UBASH3B: variants seen among roughly 807,000 people sequenced by gnomAD.
UBASH3B encodes ubiquitin-associated and SH3 domain-containing protein B.
UBASH3B carries 37 observed loss-of-function variants against 83.4 expected under a neutral mutation model. The observed-to-expected ratio is 0.44, with a 90% confidence interval of 0.34 to 0.58. The LOEUF is 0.58. Among genes scored for constraint, UBASH3B ranks in the 20% least tolerant of loss-of-function variants. The probability of loss-of-function intolerance (pLI) is 0.01; values close to 1 mark genes in which losing one functional copy is unlikely to be tolerated. For synonymous variants in UBASH3B, 304 were observed against 318.3 expected, an observed-to-expected ratio of 0.96 and a Z score of 0.48; for missense variants, 657 against 827.2, an observed-to-expected ratio of 0.79 and a Z score of 2.52.
Position 122,690,179 on chromosome 11 carries a change from T to TCCA in UBASH3B, c.161+33969_161+33970insCCA, listed in dbSNP as rs1417144798. 2.7e-4 allele frequency among the ~76,000 whole-genome samples: 9 copies of TCCA among 33,810 alleles called. 1 individual carries two copies. The highest frequency in any genetic ancestry group is 1.2e-3 in the South Asian group (1 of 834). The allele number at this position is 33,810 out of a possible 152,430, so 22.2% of individuals were successfully genotyped here. On this transcript the variant is annotated intron_variant, in intron 1 of 13. Coordinates refer to ENST00000284273, the MANE Select transcript of UBASH3B (RefSeq NM_032873.5). ...CGAGGCAGGAAAACATATATATATA[T>TCCA]ATATATATATATATATATATATATA...
intron 1 of UBASH3B, among the ~76,000 whole-genome samples, chr11:122,662,414 C>T (rs958570351): frequency 2.0e-5 from 3 of 151,128 alleles, no homozygotes; most frequent in African/African-American, 4.9e-5. Flanking sequence ...AGCCACCAGT[C>T]GCTTTTTCTT....
At chr11:122,699,519 CTT>C (rs1864007494) in intron 1 of UBASH3B, among the ~76,000 whole-genome samples, 1 of 103,636 alleles carries the variant, frequency 9.6e-6, no homozygotes, top group Non-Finnish European at 1.9e-5. Context: ...CTTTCTTTCT[CTT>C]TCTTTCTTTC....
intron 1 of UBASH3B, among the ~76,000 whole-genome samples, chr11:122,666,532 C>G (rs1193176009): frequency 6.6e-6 from 1 of 152,136 alleles, no homozygotes; most frequent in South Asian, 2.1e-4. Flanking sequence ...AATTCTCCTG[C>G]CTCAGCCTCC....
intron 1 of UBASH3B, among the ~76,000 whole-genome samples, chr11:122,754,443 TC>T (rs1342122099): frequency 2.0e-5 from 3 of 152,228 alleles, no homozygotes; most frequent in African/African-American, 7.2e-5. Context: ...ATCTGGATGG[TC>T]AGTCCATGCA....
chr11:122,674,614 C>T (rs1863642224), intron 1 of UBASH3B, among the ~76,000 whole-genome samples: 1 of 152,046 alleles, frequency 6.6e-6, no homozygotes, highest in Non-Finnish European at 1.5e-5. Context: ...ATCTCCTGAC[C>T]TCGTGATCTG....
At position 122,811,525 on chromosome 11, in the gene UBASH3B, A is replaced by G. The variant is rs1237318700; in HGVS notation, c.*1639A>G. On this transcript the variant is annotated 3_prime_UTR_variant, in exon 14 of 14. Transcript: ENST00000284273. The stretch of plus-strand genomic sequence containing the variant: ...TTGTTTTTAGAGACAGGGTCTCACT[A>G]TAATGCTTAGACTGGTCTTGAACTC... The G allele has an allele frequency of 1.3e-5, 2 of 152,278 alleles. No individual in the cohort carries two copies. The highest frequency in any genetic ancestry group is 1.9e-4 in the East Asian group (1 of 5,176). 9.4% of individuals were successfully genotyped at this position (152,278 alleles called of 1,614,324 possible).
intron 1 of UBASH3B, among the ~76,000 whole-genome samples, chr11:122,671,356 T>C (rs1406038315): frequency 1.3e-5 from 2 of 152,028 alleles, no homozygotes; most frequent in Admixed American, 6.6e-5. Context: ...CAAAACCCCA[T>C]CTCTACAAAA....
chr11:122,690,233 A>T (rs1487938676), intron 1 of UBASH3B, among the ~76,000 whole-genome samples: 1 of 57,080 alleles, frequency 1.8e-5, no homozygotes, highest in Non-Finnish European at 3.7e-5. Flanking sequence ...TATATATCCA[A>T]TTTTATATAT....
intron 1 of UBASH3B, among the ~76,000 whole-genome samples, chr11:122,666,629 G>A (rs1460619831): frequency 6.6e-6 from 1 of 152,054 alleles, no homozygotes; most frequent in Non-Finnish European, 1.5e-5. Context: ...ATGTTTGCCA[G>A]GCTGGTCTCG....
At chr11:122,786,907 C>T (rs1352341735) in intron 5 of UBASH3B, among the ~76,000 whole-genome samples, 3 of 152,172 alleles carry the variant, frequency 2.0e-5, no homozygotes, top group Non-Finnish European at 4.4e-5. Flanking sequence ...CTTCCCTATG[C>T]CTAGGACATA....
chr11:122,757,582 A>G (rs1591800614), intron 1 of UBASH3B, among the ~76,000 whole-genome samples: 2 of 152,064 alleles, frequency 1.3e-5, no homozygotes, highest in African/African-American at 2.4e-5. Context: ...AATCCATAGT[A>G]TACAATTAAT....
intron 1 of UBASH3B, among the ~76,000 whole-genome samples, chr11:122,729,820 C>A (rs1243143436): frequency 9.0e-6 from 1 of 111,462 alleles, no homozygotes; most frequent in African/African-American, 4.3e-5. Context: ...AAAAAAAAAA[C>A]CCTAAAAAGT....
chr11:122,789,456 T>C (rs1861013654), intron 6 of UBASH3B, 148 bp downstream of exon 6: 1 of 869,558 alleles, frequency 1.2e-6, no homozygotes, highest in Admixed American at 2.6e-5. Flanking sequence ...ATTTGAGGCA[T>C]GGGGAAAATG....
chr11:122,683,859 T>C (rs1360802120), intron 1 of UBASH3B, among the ~76,000 whole-genome samples: 1 of 152,062 alleles, frequency 6.6e-6, no homozygotes, highest in Non-Finnish European at 1.5e-5. Context: ...CAGTCTTTTC[T>C]GATTTTTTTA....
At chr11:122,770,740 G>C (rs1185593860) in intron 1 of UBASH3B, among the ~76,000 whole-genome samples, 1 of 93,410 alleles carries the variant, frequency 1.1e-5, no homozygotes, top group Non-Finnish European at 2.1e-5. Context: ...TTTTCATTCA[G>C]AGAGTGTCTC....
At chr11:122,727,881 G>A (rs923678230) in intron 1 of UBASH3B, among the ~76,000 whole-genome samples, 5 of 152,168 alleles carry the variant, frequency 3.3e-5, no homozygotes, top group South Asian at 2.1e-4. Flanking sequence ...CACCCTCCCC[G>A]CACAGCTGGG....
At chr11:122,722,909 G>A (rs1860665859) in intron 1 of UBASH3B, among the ~76,000 whole-genome samples, 1 of 152,078 alleles carries the variant, frequency 6.6e-6, no homozygotes, top group African/African-American at 2.4e-5. Context: ...GTTTCACCAT[G>A]TTAGCCAGGA....
rs11442792 is a variant in UBASH3B at position 122,708,291 on chromosome 11, C to CTT, written c.161+52097_161+52098dup. ...TTAAGTCATTTTGAACTTTGCTTGG[C>CTT]TTTTTTTTTTTTTTTTTGAGATGGA... On this transcript the variant is annotated intron_variant, in intron 1 of 13. Coordinates refer to ENST00000284273, the MANE Select transcript of UBASH3B (RefSeq NM_032873.5). Among the ~76,000 whole-genome samples, 820 of 127,610 alleles carry CTT rather than the reference C, an allele frequency of 6.4e-3. 12 individuals are homozygous for CTT. The highest frequency in any genetic ancestry group is 9.1e-3 in the Admixed American group (109 of 12,012). 83.7% of individuals were successfully genotyped at this position (127,610 alleles called of 152,430 possible).
chr11:122,656,048 C>T lies in UBASH3B; in HGVS notation c.-2C>T. The T allele has an allele frequency of 6.3e-7, 1 of 1,587,774 alleles. No individual in the cohort carries two copies. The highest frequency in any genetic ancestry group is 8.6e-7 in the Non-Finnish European group (1 of 1,168,710). On this transcript the variant is annotated 5_prime_UTR_variant, in exon 1 of 14. Coordinates refer to ENST00000284273, the MANE Select transcript of UBASH3B (RefSeq NM_032873.5). ...TCCCTGGCGATGGCTGGCCGCTGAG[C>T]CATGGCTCAGTACGGCCACCCCAGT...
Sources: allele counts gnomAD v4.1 joint callset (sites outside exome capture counted in the v4.1 genomes callset), GRCh38; gene constraint gnomAD v4.1.1; transcripts MANE v1.5; gene names NCBI Gene and HGNC (gene_info 2026-07-23, HGNC 2026-07-21).